Variants in NCAM1 observed in about 807,000 individuals in gnomAD.
The protein encoded by NCAM1 is antigen recognized by monoclonal antibody 5.1H11.
Under a neutral mutation model 109.8 loss-of-function variants are expected in NCAM1, and 14 were observed. That is an observed-to-expected ratio of 0.13 (90% confidence interval 0.08 to 0.20). The LOEUF (loss-of-function observed/expected upper bound fraction) is 0.20, where lower values mean the gene tolerates loss of function less well. Ranked by LOEUF, NCAM1 falls within the 10% of genes least tolerant of loss-of-function variation. The pLI is 1.00. For missense variants in NCAM1, 774 were observed against 1,109.9 expected (o/e 0.70, Z 4.30); for synonymous variants, 418 against 442.9 (o/e 0.94, Z 0.70).
chr11:113,134,272 A>C (rs1555098962), intron 1 of NCAM1, among the ~76,000 whole-genome samples: 2 of 152,226 alleles, frequency 1.3e-5, no homozygotes, highest in African/African-American at 4.8e-5. Context: ...TACGTAGCAT[A>C]ATAGCCTCAT....
At chr11:112,972,646 C>A (rs1458777199) in intron 1 of NCAM1, among the ~76,000 whole-genome samples, 2 of 152,022 alleles carry the variant, frequency 1.3e-5, no homozygotes, top group Non-Finnish European at 2.9e-5. Flanking sequence ...TATTGCTTTG[C>A]AAAACAAATA....
chr11:112,979,349 A>G (rs572603654), intron 1 of NCAM1, among the ~76,000 whole-genome samples: 276 of 152,020 alleles, frequency 1.8e-3, no homozygotes, highest in South Asian at 8.3e-3. Context: ...TATTATAGAC[A>G]TGTCAAAAGA....
At chr11:113,241,448 T>C (rs1945323245) in intron 14 of NCAM1, among the ~76,000 whole-genome samples, 1 of 152,116 alleles carries the variant, frequency 6.6e-6, no homozygotes, top group East Asian at 1.9e-4. Flanking sequence ...CTCTGTAAAA[T>C]AGGATGAGTA....
At chr11:113,068,945 G>A (rs1938120129) in intron 1 of NCAM1, among the ~76,000 whole-genome samples, 1 of 152,176 alleles carries the variant, frequency 6.6e-6, no homozygotes, top group Non-Finnish European at 1.5e-5. Context: ...TGATGCTTGT[G>A]CTTAATTTAG....
chr11:113,170,418 G>A (rs536694852), intron 1 of NCAM1, among the ~76,000 whole-genome samples: 11 of 152,290 alleles, frequency 7.2e-5, no homozygotes, highest in South Asian at 6.2e-4. Context: ...GGCAGTGTGC[G>A]GTGAAAGTGA....
chr11:113,202,344 T>TTG, intron 1 of NCAM1, 35 bp from the exon 2 acceptor site: 1 of 1,522,248 alleles, frequency 6.6e-7, no homozygotes, highest in Admixed American at 2.0e-5. Flanking sequence ...TTTTTTTTGT[T>TTG]TTTTGTTTTG....
chr11:112,993,812 T>A (rs1237577915), intron 1 of NCAM1, among the ~76,000 whole-genome samples: 1 of 152,254 alleles, frequency 6.6e-6, no homozygotes, highest in Admixed American at 6.5e-5. Flanking sequence ...TGAAGAATTA[T>A]TACAGTTTCT....
At chr11:113,109,770 G>T (rs1940359281) in intron 1 of NCAM1, among the ~76,000 whole-genome samples, 2 of 152,144 alleles carry the variant, frequency 1.3e-5, no homozygotes, top group South Asian at 4.1e-4. Flanking sequence ...GAATGGGGAG[G>T]TGTGATCTTG....
chr11:113,013,009 G>C (rs1952110532), intron 1 of NCAM1, among the ~76,000 whole-genome samples: 1 of 152,170 alleles, frequency 6.6e-6, no homozygotes, highest in Non-Finnish European at 1.5e-5. Context: ...TATGGAGAGG[G>C]AGACAAAATA....
intron 1 of NCAM1, among the ~76,000 whole-genome samples, chr11:113,090,475 A>G (rs1224297510): frequency 6.6e-6 from 1 of 152,196 alleles, no homozygotes; most frequent in Non-Finnish European, 1.5e-5. Flanking sequence ...GAACTCTTGA[A>G]CTTGTAGGGG....
At chr11:112,991,871 A>G (rs551510556) in intron 1 of NCAM1, among the ~76,000 whole-genome samples, 16 of 152,206 alleles carry the variant, frequency 1.1e-4, no homozygotes, top group Non-Finnish European at 1.9e-4. Context: ...ATGATGGGTA[A>G]TGTAACAGTT....
chr11:113,226,492 A>G (rs1034164850), intron 9 of NCAM1, among the ~76,000 whole-genome samples: 7 of 152,230 alleles, frequency 4.6e-5, no homozygotes, highest in Non-Finnish European at 1.0e-4. Context: ...GGAGACTTTA[A>G]CACCCACTGT....
intron 17 of NCAM1, chr11:113,264,757 T>G: frequency 1.0e-6 from 1 of 985,464 alleles, no homozygotes; most frequent in African/African-American, 1.7e-5. Context: ...TCTCAACACA[T>G]CCCAGGGTCA....
chr11:113,107,232 T>G (rs1940212454), intron 1 of NCAM1, among the ~76,000 whole-genome samples: 1 of 152,194 alleles, frequency 6.6e-6, no homozygotes, highest in African/African-American at 2.4e-5. Context: ...CTCTACCTCT[T>G]CCTAGCTGTG....
intron 16 of NCAM1, among the ~76,000 whole-genome samples, chr11:113,258,726 G>A (rs1275485985): frequency 8.5e-5 from 13 of 152,180 alleles, no homozygotes; most frequent in South Asian, 4.1e-4. Flanking sequence ...TACAAATTAA[G>A]TGAATGTATT....
chr11:113,137,112 A>G (rs1941629910), intron 1 of NCAM1, among the ~76,000 whole-genome samples: 1 of 152,256 alleles, frequency 6.6e-6, no homozygotes, highest in African/African-American at 2.4e-5. Flanking sequence ...AAAGCAGGGC[A>G]TAGCAGGTAG....
chr11:113,157,571 T>C (rs1245131757), intron 1 of NCAM1, among the ~76,000 whole-genome samples: 8 of 152,172 alleles, frequency 5.3e-5, no homozygotes, highest in Admixed American at 1.3e-4. Flanking sequence ...GGTTCAGGCT[T>C]CTCTATACTC....
chr11:113,185,767 C>T (rs1404674760), intron 1 of NCAM1, among the ~76,000 whole-genome samples: 1 of 152,076 alleles, frequency 6.6e-6, no homozygotes, highest in Non-Finnish European at 1.5e-5. Flanking sequence ...GTCAGTTATC[C>T]CAGGTAGGTT....
chr11:113,244,002 C>CAGCAG (rs1440776339), intron 14 of NCAM1, among the ~76,000 whole-genome samples: 1 of 152,018 alleles, frequency 6.6e-6, no homozygotes, highest in Non-Finnish European at 1.5e-5. Context: ...TTCATTTTGT[C>CAGCAG]AGCAGAGCAG....
Sources: allele counts gnomAD v4.1 joint callset (sites outside exome capture counted in the v4.1 genomes callset), GRCh38; gene constraint gnomAD v4.1.1; transcripts MANE v1.5; gene names NCBI Gene and HGNC (gene_info 2026-07-23, HGNC 2026-07-21).